The following STXBP5L variants were observed in gnomAD, a reference collection of about 807,000 sequenced individuals.
The protein encoded by STXBP5L is syntaxin-binding protein 5-like.
STXBP5L carries 65 observed loss-of-function variants against 144.5 expected under a neutral mutation model. The observed-to-expected ratio is 0.45, with a 90% CI of 0.37 to 0.55. STXBP5L has a LOEUF of 0.55. Ranked by LOEUF, STXBP5L falls within the 20% of genes least tolerant of loss-of-function variation. The pLI, the probability that STXBP5L is intolerant of heterozygous loss-of-function variation, is 0.00. For missense variants in STXBP5L, 1,298 were observed against 1,405.5 expected, an observed-to-expected ratio of 0.92 and a Z score of 1.22; for synonymous variants, 505 against 469.6, an observed-to-expected ratio of 1.08 and a Z score of -0.97.
intron 20 of STXBP5L, among the ~76,000 whole-genome samples, chr3:121,324,748 C>T (rs2044088476): frequency 6.6e-6 from 1 of 152,040 alleles, no homozygotes; most frequent in South Asian, 2.1e-4. Flanking sequence ...AATATAACGC[C>T]AGAGACACTT....
chr3:121,185,252 G>A (rs1252188981), intron 9 of STXBP5L, among the ~76,000 whole-genome samples: 24 of 152,204 alleles, frequency 1.6e-4, no homozygotes, highest in Non-Finnish European at 2.9e-5. Flanking sequence ...TAGGTTGCCT[G>A]TTCACTCTGA....
intron 19 of STXBP5L, among the ~76,000 whole-genome samples, chr3:121,301,548 G>C (rs1229178781): frequency 2.0e-5 from 3 of 152,086 alleles, no homozygotes; most frequent in Non-Finnish European, 4.4e-5. Context: ...TCCTTCTCCT[G>C]CCTAATTGCC....
intron 5 of STXBP5L, among the ~76,000 whole-genome samples, chr3:121,067,956 T>C (rs6776790): frequency 0.66 from 99,996 of 152,102 alleles, 33,427 homozygotes; most frequent in Admixed American, 0.71. Context: ...TTATTGTCAA[T>C]GTCTTCATAG....
intron 12 of STXBP5L, among the ~76,000 whole-genome samples, chr3:121,238,481 T>G (rs2049556129): frequency 6.6e-6 from 1 of 152,070 alleles, no homozygotes; most frequent in Admixed American, 6.6e-5. Flanking sequence ...CCTCCAACAC[T>G]GGGGACTAAA....
chr3:121,423,431 C>G lies in STXBP5L; in HGVS notation c.*4334C>G, dbSNP rs775470194. 1.3e-5 allele frequency: 2 copies of G among 152,116 alleles called. No individual in the cohort carries two copies. The highest frequency in any genetic ancestry group is 1.9e-4 in the East Asian group (1 of 5,186). The allele number at this position is 152,116 out of a possible 1,614,324, so 9.4% of individuals were successfully genotyped here. ...GCATGAAATGTAGAATAGGTAAGGTCTGTCTTAGAAAAGGAGGAGGAAGTA... is the reference window on the plus strand; with the variant it reads ...GCATGAAATGTAGAATAGGTAAGGTGTGTCTTAGAAAAGGAGGAGGAAGTA... On this transcript the variant is annotated 3_prime_UTR_variant, in exon 27 of 27. Coordinates refer to ENST00000471454, the MANE Select transcript of STXBP5L (RefSeq NM_001308330.2).
chr3:121,374,491 G>T (rs767662662), intron 20 of STXBP5L, among the ~76,000 whole-genome samples: 40 of 151,800 alleles, frequency 2.6e-4, no homozygotes, highest in Non-Finnish European at 5.0e-4. Flanking sequence ...TGCCTGAAAA[G>T]GAATTTAAAA....
intron 5 of STXBP5L, among the ~76,000 whole-genome samples, chr3:121,086,076 TAATA>T (rs1349250719): frequency 6.6e-6 from 1 of 152,166 alleles, no homozygotes; most frequent in East Asian, 1.9e-4. Flanking sequence ...ATTCCCTATT[TAATA>T]AATGTTGCTG....
chr3:121,040,047 A>G (rs937604084), intron 3 of STXBP5L, among the ~76,000 whole-genome samples: 4 of 140,018 alleles, frequency 2.9e-5, no homozygotes, highest in Non-Finnish European at 6.4e-5. Flanking sequence ...GCAGTGTAGT[A>G]TAATAAATGT....
At chr3:121,058,051 A>G (rs1948581286) in intron 5 of STXBP5L, among the ~76,000 whole-genome samples, 1 of 152,046 alleles carries the variant, frequency 6.6e-6, no homozygotes, top group Admixed American at 6.6e-5. Flanking sequence ...TAGGTATACA[A>G]GTGCCATGGT....
intron 22 of STXBP5L, among the ~76,000 whole-genome samples, chr3:121,404,584 C>G (rs1319660397): frequency 6.6e-6 from 1 of 152,146 alleles, no homozygotes; most frequent in Non-Finnish European, 1.5e-5. Flanking sequence ...TACTTTATCT[C>G]TCTGATCTTA....
intron 5 of STXBP5L, among the ~76,000 whole-genome samples, chr3:121,085,978 A>G (rs1290563487): frequency 6.6e-6 from 1 of 152,154 alleles, no homozygotes; most frequent in East Asian, 1.9e-4. Flanking sequence ...AGACACATAG[A>G]CCAATAGAAC....
intron 5 of STXBP5L, among the ~76,000 whole-genome samples, chr3:121,069,001 C>T (rs1287642076): frequency 2.0e-5 from 3 of 151,532 alleles, no homozygotes; most frequent in Non-Finnish European, 2.9e-5. Context: ...TACATGCACT[C>T]GTGTGTGTGT....
At chr3:120,915,223 G>A (rs1709049091) in intron 2 of STXBP5L, among the ~76,000 whole-genome samples, 1 of 152,054 alleles carries the variant, frequency 6.6e-6, no homozygotes, top group Non-Finnish European at 1.5e-5. Context: ...TTCTGTAGGA[G>A]TATTATCACT....
rs149353941 is a variant in STXBP5L at position 121,068,906 on chromosome 3, T to A, written c.470+23371T>A. ...TATTTCACTTTTTAAAATACTTTTT[T>A]ATTTCATAATAGTTGCAGATTTGTA... On this transcript the variant is annotated intron_variant, in intron 5 of 26. Coordinates refer to ENST00000471454, the MANE Select transcript of STXBP5L (RefSeq NM_001308330.2). 6.3e-4 allele frequency among the ~76,000 whole-genome samples: 96 copies of A among 152,342 alleles called. 1 individual carries two copies. Among genetic ancestry groups the A allele is most frequent in the African/African-American group, 2.0e-3 (82 of 41,596 alleles).
chr3:121,187,684 C>A (rs2047453876), intron 9 of STXBP5L, among the ~76,000 whole-genome samples: 1 of 151,600 alleles, frequency 6.6e-6, no homozygotes, highest in Admixed American at 6.6e-5. Context: ...CAAATTCACA[C>A]ATAACAATGT....
chr3:121,267,692 A>G (rs1449912168), intron 18 of STXBP5L, among the ~76,000 whole-genome samples: 1 of 152,206 alleles, frequency 6.6e-6, no homozygotes, highest in Non-Finnish European at 1.5e-5. Context: ...AGAATCTACA[A>G]AGAACTTTAA....
At chr3:121,360,840 G>A (rs1445217910) in intron 20 of STXBP5L, among the ~76,000 whole-genome samples, 3 of 152,028 alleles carry the variant, frequency 2.0e-5, no homozygotes, top group Non-Finnish European at 2.9e-5. Flanking sequence ...CAGTTACAGT[G>A]TTATAATATT....
intron 3 of STXBP5L, among the ~76,000 whole-genome samples, chr3:120,962,498 T>C (rs558035925): frequency 6.6e-6 from 1 of 152,358 alleles, no homozygotes; most frequent in East Asian, 1.9e-4. Context: ...TACATATGGC[T>C]AGCCAGTTTT....
intron 5 of STXBP5L, among the ~76,000 whole-genome samples, chr3:121,114,580 G>T (rs557024923): frequency 6.6e-6 from 1 of 152,098 alleles, no homozygotes; most frequent in South Asian, 2.1e-4. Context: ...TTAGAATCCC[G>T]GTTTTGCTGC....
Sources: allele counts gnomAD v4.1 joint callset (sites outside exome capture counted in the v4.1 genomes callset), GRCh38; gene constraint gnomAD v4.1.1; transcripts MANE v1.5; gene names NCBI Gene and HGNC (gene_info 2026-07-23, HGNC 2026-07-21).